MITF: variants seen among roughly 807,000 people sequenced by gnomAD.
MITF encodes the protein microphthalmia-associated transcription factor.
A neutral mutation model predicts 60.5 loss-of-function variants in MITF; 17 were observed. The observed-to-expected ratio is 0.28, with a 90% CI of 0.19 to 0.42. MITF has a LOEUF of 0.42. Ranked by LOEUF, MITF falls within the 10% of genes least tolerant of loss-of-function variation. The pLI, the probability that MITF is intolerant of heterozygous loss-of-function variation, is 1.00. For missense variants in MITF, 622 were observed against 683.5 expected (o/e 0.91, Z 1.00); for synonymous variants, 260 against 248.5 (o/e 1.05, Z -0.43).
chr3:69,893,049 C>T (rs189860677), intron 2 of MITF, among the ~76,000 whole-genome samples: 10 of 152,268 alleles, frequency 6.6e-5, no homozygotes, highest in Non-Finnish European at 1.5e-4. Context: ...ACGTCCAGCA[C>T]GATGACCAAG....
At chr3:69,842,313 A>G (rs957794671) in intron 1 of MITF, among the ~76,000 whole-genome samples, 2 of 152,250 alleles carry the variant, frequency 1.3e-5, no homozygotes, top group African/African-American at 4.8e-5. Flanking sequence ...TGACATCTGA[A>G]AAAAGAAAAG....
chr3:69,812,779 G>T (rs915970557), intron 1 of MITF, among the ~76,000 whole-genome samples: 2 of 152,054 alleles, frequency 1.3e-5, no homozygotes, highest in Non-Finnish European at 2.9e-5. Context: ...GCATGTAAAC[G>T]ATTTGGTTGG....
intron 4 of MITF, among the ~76,000 whole-genome samples, chr3:69,940,593 G>T (rs74629056): frequency 1.3e-5 from 2 of 152,328 alleles, no homozygotes; most frequent in African/African-American, 4.8e-5. Context: ...TGTACAAGGA[G>T]AAACTTATTT....
rs753953309 is a variant in MITF, at chr3:69,766,376, A to ATTTTTTTTTT, written c.104+26696_104+26705dup. Among the ~76,000 whole-genome samples the ATTTTTTTTTT allele has an allele frequency of 3.2e-4, 30 of 95,138 alleles. 1 individual carries two copies. Among genetic ancestry groups the ATTTTTTTTTT allele is most frequent in the African/African-American group, 1.2e-3 (26 of 22,060 alleles). The allele number at this position is 95,138 out of a possible 152,430, so 62.4% of individuals were successfully genotyped here. The stretch of plus-strand genomic sequence containing the variant: ...AGGTGTGCACCACCATGCCCAGCTA[A>ATTTTTTTTTT]TTTTTTTTTTTTTTTTTTTTTTTTT... On this transcript the variant is annotated intron_variant, in intron 1 of 9. Coordinates refer to ENST00000352241, the MANE Select transcript of MITF (RefSeq NM_001354604.2).
chr3:69,810,299 T>C lies in MITF; in HGVS notation c.105-68835T>C, dbSNP rs185684815. ...TGCCAATTCATGTCTTTACAAAGCGTTGTGTCATATTTTATCTTAAATGTG... is the reference window on the plus strand; with the variant it reads ...TGCCAATTCATGTCTTTACAAAGCGCTGTGTCATATTTTATCTTAAATGTG... On this transcript the variant is annotated intron_variant, in intron 1 of 9. Coordinates refer to ENST00000352241, the MANE Select transcript of MITF (RefSeq NM_001354604.2). Among the ~76,000 whole-genome samples the C allele has an allele frequency of 1.3e-3, 192 of 152,300 alleles. 3 individuals are homozygous for C. Among genetic ancestry groups the C allele is most frequent in the South Asian group, 3.3e-3 (16 of 4,832 alleles).
chr3:69,905,249 G>A (rs1352457765), intron 2 of MITF, among the ~76,000 whole-genome samples: 1 of 152,102 alleles, frequency 6.6e-6, no homozygotes, highest in Non-Finnish European at 1.5e-5. Flanking sequence ...TGGGAGAGAG[G>A]CCTGGCTTCT....
intron 1 of MITF, chr3:69,752,379 CAAAATGCTGG>C (rs1414786603): frequency 1.3e-5 from 2 of 152,088 alleles, no homozygotes; most frequent in African/African-American, 4.8e-5. Flanking sequence ...TGGTTGTGAA[CAAAATGCTGG>C]TAATGATATG....
chr3:69,963,784 C>G (rs2066610611), intron 9 of MITF, among the ~76,000 whole-genome samples: 1 of 152,016 alleles, frequency 6.6e-6, no homozygotes, highest in Non-Finnish European at 1.5e-5. Context: ...CAGTCTGATG[C>G]TAGAAGAGAA....
At chr3:69,850,157 T>C (rs968297048) in intron 1 of MITF, among the ~76,000 whole-genome samples, 2 of 152,222 alleles carry the variant, frequency 1.3e-5, no homozygotes, top group Non-Finnish European at 2.9e-5. Context: ...GAAAGGAGCA[T>C]ATCATATTTA....
chr3:69,935,041 G>A (rs1318953768), intron 2 of MITF, among the ~76,000 whole-genome samples: 1 of 152,134 alleles, frequency 6.6e-6, no homozygotes, highest in Admixed American at 6.5e-5. Flanking sequence ...TGCTGTTCCT[G>A]CTAGATAGAT....
At chr3:69,758,057 C>T (rs1027656960) in intron 1 of MITF, among the ~76,000 whole-genome samples, 5 of 139,742 alleles carry the variant, frequency 3.6e-5, no homozygotes, top group Admixed American at 2.2e-4. Flanking sequence ...ATATATAATA[C>T]TCTCTTCCAC....
At chr3:69,936,901 G>T in intron 2 of MITF, 3 of 634,006 alleles carry the variant, frequency 4.7e-6, no homozygotes, top group East Asian at 3.3e-5. Flanking sequence ...GATGCCATAA[G>T]AAGTAATTCA....
At chr3:69,938,879 GC>G in intron 3 of MITF, 1 of 1,446,264 alleles carries the variant, frequency 6.9e-7, no homozygotes, top group Non-Finnish European at 9.1e-7. Flanking sequence ...TTGCCCCTAT[GC>G]CCAAACCAAC....
At chr3:69,745,784 G>A (rs543204110) in intron 1 of MITF, among the ~76,000 whole-genome samples, 17 of 152,258 alleles carry the variant, frequency 1.1e-4, no homozygotes, top group African/African-American at 4.1e-4. Flanking sequence ...CTGTGTTCAA[G>A]AAACTTAACT....
At chr3:69,904,038 A>C (rs1458964703) in intron 2 of MITF, among the ~76,000 whole-genome samples, 1 of 152,294 alleles carries the variant, frequency 6.6e-6, no homozygotes, top group Non-Finnish European at 1.5e-5. Flanking sequence ...TATTATTACT[A>C]TAATTTTTAC....
intron 1 of MITF, among the ~76,000 whole-genome samples, chr3:69,806,153 C>G (rs893009415): frequency 6.6e-6 from 1 of 151,374 alleles, no homozygotes; most frequent in African/African-American, 2.4e-5. Flanking sequence ...GGCATGATCT[C>G]GGCTCACTGC....
intron 9 of MITF, among the ~76,000 whole-genome samples, chr3:69,963,589 A>G (rs2066604394): frequency 6.6e-6 from 1 of 152,160 alleles, no homozygotes; most frequent in Non-Finnish European, 1.5e-5. Flanking sequence ...TACTAACTGG[A>G]TGTGTGTGTC....
intron 1 of MITF, among the ~76,000 whole-genome samples, chr3:69,872,466 T>G (rs1391727907): frequency 2.0e-5 from 3 of 152,184 alleles, no homozygotes; most frequent in Non-Finnish European, 4.4e-5. Context: ...ACATTTTCAT[T>G]TGATTTATAA....
chr3:69,902,650 G>A (rs538786211), intron 2 of MITF, among the ~76,000 whole-genome samples: 1 of 152,058 alleles, frequency 6.6e-6, no homozygotes, highest in Non-Finnish European at 1.5e-5. Flanking sequence ...TAAAAAATTA[G>A]AATGCTGGTT....
Sources: gnomAD v4.1 joint callset for allele counts (sites outside exome capture counted in the v4.1 genomes callset) on GRCh38, gnomAD v4.1.1 for gene constraint, MANE v1.5 for transcripts, NCBI Gene and HGNC (gene_info 2026-07-23, HGNC 2026-07-21) for gene names.